LRAT: variants seen among roughly 807,000 people sequenced by gnomAD.
LRAT encodes the protein lecithin retinol acyltransferase.
LRAT carries 11 observed loss-of-function variants against 14.2 expected under a neutral mutation model. The ratio of observed to expected loss-of-function variants is 0.78; its 90% CI spans 0.49 to 1.29. LRAT has a LOEUF of 1.29. Among genes scored for constraint, LRAT ranks in the 50% most tolerant of loss-of-function variants. LRAT has a pLI of 0.00. For missense variants in LRAT, 274 were observed against 292.4 expected (o/e 0.94, Z 0.46); for synonymous variants, 144 against 124.8 (o/e 1.15, Z -1.03).
In LRAT at chr4:154,749,649, T is replaced by C. The variant is rs1732950575; in HGVS notation, c.*513T>C. ...ATAAGCTCATAATCTATTTTTTTCATGTAGTATATAAGTCAAGAATGTTTT... is the reference window on the plus strand; with the variant it reads ...ATAAGCTCATAATCTATTTTTTTCACGTAGTATATAAGTCAAGAATGTTTT... On this transcript the variant is annotated 3_prime_UTR_variant, in exon 3 of 3. Transcript: ENST00000336356. 2 of 156,630 alleles carry C rather than the reference T, an allele frequency of 1.3e-5. No homozygotes were observed. Among genetic ancestry groups the C allele is most frequent in the Admixed American group, 1.2e-4 (2 of 16,100 alleles). 9.7% of individuals were successfully genotyped at this position (156,630 alleles called of 1,614,324 possible).
Position 154,744,854 on chromosome 4 carries a change from C to T in LRAT, c.528C>T (p.Pro176=), listed in dbSNP as rs1385528380. 2.5e-6 allele frequency: 4 copies of T among 1,613,412 alleles called. No individual in the cohort carries two copies. The highest frequency in any genetic ancestry group is 2.5e-6 in the Non-Finnish European group (3 of 1,180,000). ...GCAGATATGGCACCCCGATCAGTCC[C>T]CAGTCCGACAAGGTATGATGTGTGA... The part of the protein sequence containing the change: ...TYCRYGTPIS[P]QSDKFCETVK... The change falls in exon 2 of 3, where the codon CCC becomes CCT. Residue 176 remains proline, a synonymous_variant. Coordinates refer to ENST00000336356, the MANE Select transcript of LRAT (RefSeq NM_004744.5).
intron 1 of LRAT, 32 bp from the exon 2 acceptor site, chr4:154,744,294 G>C: frequency 1.1e-5 from 17 of 1,611,724 alleles, no homozygotes; most frequent in South Asian, 2.2e-5. Context: ...GAGTGGCACC[G>C]GCACCTCTCC....
intron 1 of LRAT, 50 bp from the exon 2 acceptor site, chr4:154,744,276 C>A: frequency 6.3e-7 from 1 of 1,596,530 alleles, no homozygotes; most frequent in Non-Finnish European, 8.6e-7. Flanking sequence ...CCAGCCCGGC[C>A]CCTGCCGGAG....
chr4:154,745,717 A>G (rs1280450996), intron 2 of LRAT, among the ~76,000 whole-genome samples: 1 of 152,234 alleles, frequency 6.6e-6, no homozygotes, highest in Non-Finnish European at 1.5e-5. Flanking sequence ...TGAAAGCTGC[A>G]TAGAGGGATT....
chr4:154,749,164 T>C lies in LRAT; in HGVS notation c.*28T>C, dbSNP rs1305230427. 1 of 1,600,730 alleles carries C rather than the reference T, an allele frequency of 6.2e-7. No homozygotes were observed. The highest frequency in any genetic ancestry group is 1.3e-5 in the African/African-American group (1 of 74,600). On this transcript the variant is annotated 3_prime_UTR_variant, in exon 3 of 3. Transcript: ENST00000336356. ...TCATACCCCCATGTCAGTGTGTGTA[T>C]TCTGTATGTAAATATGTTTATATTT...
Position 154,749,960 on chromosome 4 carries a change from C to G in LRAT, c.*824C>G, listed in dbSNP as rs1732960780. 6.6e-6 allele frequency: 1 copy of G among 152,164 alleles called. No homozygotes were observed. The highest frequency in any genetic ancestry group is 1.5e-5 in the Non-Finnish European group (1 of 68,032). 9.4% of individuals were successfully genotyped at this position (152,164 alleles called of 1,614,324 possible). A position where few individuals can be genotyped will look rare whatever the true frequency, so the allele number is the denominator to read the frequency against. ...ATAAATATGTAGATAGTCACATATA[C>G]ACAGACTGAGAGATAAATTGTTCTT... On this transcript the variant is annotated 3_prime_UTR_variant, in exon 3 of 3. Coordinates refer to ENST00000336356, the MANE Select transcript of LRAT (RefSeq NM_004744.5).
At position 154,752,781 on chromosome 4, in the gene LRAT, G is replaced by A. The variant is rs1733023160; in HGVS notation, c.*3645G>A. The A allele has an allele frequency of 6.6e-6, 1 of 152,076 alleles. No individual in the cohort carries two copies. The highest frequency in any genetic ancestry group is 2.4e-5 in the African/African-American group (1 of 41,430). 9.4% of individuals were successfully genotyped at this position (152,076 alleles called of 1,614,324 possible). On this transcript the variant is annotated 3_prime_UTR_variant, in exon 3 of 3. Coordinates refer to ENST00000336356, the MANE Select transcript of LRAT (RefSeq NM_004744.5). The stretch of plus-strand genomic sequence containing the variant: ...TTAACTTGATGACTATGTGTATATT[G>A]GATACTCCTAATTTTAGCTCTGTTA...
chr4:154,745,818 A>G (rs1340477302), intron 2 of LRAT, among the ~76,000 whole-genome samples: 2 of 151,950 alleles, frequency 1.3e-5, no homozygotes, highest in Admixed American at 6.6e-5. Context: ...TCAGAGTTGT[A>G]TTTTCCATGG....
At chr4:154,741,698 T>A (rs1275402109), upstream of LRAT, among the ~76,000 whole-genome samples, 2 of 152,204 alleles carry the variant, frequency 1.3e-5, no homozygotes, top group African/African-American at 4.8e-5. Flanking sequence ...CAAATCAGCT[T>A]GGCACTGCTT....
intron 2 of LRAT, among the ~76,000 whole-genome samples, chr4:154,746,000 T>C (rs903491115): frequency 6.6e-6 from 1 of 152,126 alleles, no homozygotes; most frequent in African/African-American, 2.4e-5. Flanking sequence ...TTTATGAGTA[T>C]TTTGAAAAAA....
Position 154,744,983 on chromosome 4 carries a change from C to T in LRAT, c.540+117C>T, listed in dbSNP as rs1732853219. On this transcript the variant is annotated intron_variant, in intron 2 of 2. Transcript: ENST00000336356. The stretch of plus-strand genomic sequence containing the variant: ...TTCCTGGACACCTCCCCTACCACTT[C>T]CATACCATCCTTTTTCTTTTTCCTT... 6 of 765,196 alleles carry T rather than the reference C, an allele frequency of 7.8e-6. No individual in the cohort carries two copies. In the South Asian group the frequency reaches 9.7e-5, roughly 12 times the overall value. The allele number at this position is 765,196 out of a possible 1,614,324, so 47.4% of individuals were successfully genotyped here.
At chr4:154,743,251 C>T (rs2111030386), upstream of LRAT, among the ~76,000 whole-genome samples, 1 of 151,960 alleles carries the variant, frequency 6.6e-6, no homozygotes, top group Admixed American at 6.6e-5. Context: ...TTTGGGAGGT[C>T]CAGAAGGGCG....
At chr4:154,745,794 T>C (rs1732875618) in intron 2 of LRAT, among the ~76,000 whole-genome samples, 1 of 152,184 alleles carries the variant, frequency 6.6e-6, no homozygotes, top group African/African-American at 2.4e-5. Context: ...TCCCTTATTC[T>C]TTGTGTTGGT....
chr4:154,753,021 G>A lies in LRAT; in HGVS notation c.*3885G>A, dbSNP rs186713682. 6.6e-6 allele frequency: 1 copy of A among 152,162 alleles called. No homozygotes were observed. The highest frequency in any genetic ancestry group is 1.5e-5 in the Non-Finnish European group (1 of 67,990). The allele number at this position is 152,162 out of a possible 1,614,324, so 9.4% of individuals were successfully genotyped here. On this transcript the variant is annotated 3_prime_UTR_variant, in exon 3 of 3. Coordinates refer to ENST00000336356, the MANE Select transcript of LRAT (RefSeq NM_004744.5). ...AGAAATGGTTGCCAATCTTTGTTTT[G>A]TATGATCTATTTAGAGTTTTAACCA...
At chr4:154,741,956 T>C (rs1215630853), upstream of LRAT, among the ~76,000 whole-genome samples, 1 of 152,110 alleles carries the variant, frequency 6.6e-6, no homozygotes, top group Non-Finnish European at 1.5e-5. Context: ...AATTATCACG[T>C]TTCCTTTCAT....
Position 154,749,055 on chromosome 4 carries a change from G to A in LRAT, c.612G>A (p.Ala204=), listed in dbSNP as rs142365597. The part of the protein sequence containing the change: ...SVLASAVLGL[A]SIVCTGLVSY... ...TTGCTTCAGCAGTCTTGGGATTGGC[G>A]TCTATAGTCTGTACGGGCTTGGTAT... The change falls in exon 3 of 3, where the codon GCG becomes GCA. Residue 204 remains alanine (A), a synonymous_variant. Coordinates refer to ENST00000336356, the MANE Select transcript of LRAT (RefSeq NM_004744.5). 37 of 1,613,718 alleles carry A rather than the reference G, an allele frequency of 2.3e-5. No individual in the cohort carries two copies. Among genetic ancestry groups the A allele is most frequent in the East Asian group, 2.2e-4 (10 of 44,864 alleles).
chr4:154,744,452 C>T lies in LRAT; in HGVS notation c.126C>T (p.Thr42=), dbSNP rs2111032338. Residue 42 remains threonine (T), a synonymous_variant, in exon 2 of 3, where the codon ACC becomes ACT. Coordinates refer to ENST00000336356, the MANE Select transcript of LRAT (RefSeq NM_004744.5). ...AAGGGAGGAACAGTTTTTATGAAAC[C>T]AGCTCTTTCCACCGAGGCGACGTGC... ...EDKGRNSFYE[T]SSFHRGDVLE... 1.9e-6 allele frequency: 3 copies of T among 1,614,066 alleles called. No individual in the cohort carries two copies. The highest frequency in any genetic ancestry group is 1.7e-5 in the Admixed American group (1 of 60,020).
rs1732934800 is a variant in LRAT, at chr4:154,748,981, C to T, written c.541-3C>T. On this transcript the variant is annotated splice_polypyrimidine_tract_variant and splice_region_variant and intron_variant, in intron 2 of 2. Transcript: ENST00000336356. Reference sequence around the variant, plus strand: ...CCTAATTTTCCAATATTTTATTTTCCAGTTTTGTGAGACTGTGAAGATAAT... The same window carrying T: ...CCTAATTTTCCAATATTTTATTTTCTAGTTTTGTGAGACTGTGAAGATAAT... 1 of 1,613,166 alleles carries T rather than the reference C, an allele frequency of 6.2e-7. No individual in the cohort carries two copies. The highest frequency in any genetic ancestry group is 1.1e-5 in the South Asian group (1 of 91,060).
At position 154,752,550 on chromosome 4, in the gene LRAT, C is replaced by T. The variant is rs1733018938; in HGVS notation, c.*3414C>T. On this transcript the variant is annotated 3_prime_UTR_variant, in exon 3 of 3. Transcript: ENST00000336356. Reference sequence around the variant, plus strand: ...CCCAAAAGTATGGAGAACAAAGGAACTCATTTTAAAGGACTAGCTAAGATG... The same window carrying T: ...CCCAAAAGTATGGAGAACAAAGGAATTCATTTTAAAGGACTAGCTAAGATG... The T allele has an allele frequency of 6.6e-6, 1 of 151,924 alleles. No individual in the cohort carries two copies. Among genetic ancestry groups the T allele is most frequent in the Non-Finnish European group, 1.5e-5 (1 of 68,018 alleles). The allele number at this position is 151,924 out of a possible 1,614,324, so 9.4% of individuals were successfully genotyped here.
Sources: gnomAD v4.1 joint callset for allele counts (sites outside exome capture counted in the v4.1 genomes callset) on GRCh38, gnomAD v4.1.1 for gene constraint, MANE v1.5 for transcripts, NCBI Gene and HGNC (gene_info 2026-07-23, HGNC 2026-07-21) for gene names.